The following RCAN2 variants were observed in gnomAD, a reference collection of about 807,000 sequenced individuals.
The protein encoded by RCAN2 is calcipressin-2.
RCAN2 carries 9 observed loss-of-function variants against 23.6 expected under a neutral mutation model. The observed-to-expected ratio is 0.38, with a 90% CI of 0.23 to 0.67. The LOEUF is 0.67. RCAN2 is among the 30% of genes least tolerant of loss of function. The pLI is 0.51. For synonymous variants in RCAN2, 109 were observed against 115.7 expected (o/e 0.94, Z 0.37); for missense variants, 273 against 302.3 (o/e 0.90, Z 0.72).
intron 2 of RCAN2, among the ~76,000 whole-genome samples, chr6:46,337,031 T>C (rs182342252): frequency 6.6e-6 from 1 of 151,618 alleles, no homozygotes; most frequent in African/African-American, 2.4e-5. Flanking sequence ...ATGGTAACTG[T>C]AACTGAAATA....
intron 2 of RCAN2, among the ~76,000 whole-genome samples, chr6:46,382,471 A>G (rs1368939707): frequency 6.6e-6 from 1 of 152,210 alleles, no homozygotes; most frequent in Non-Finnish European, 1.5e-5. Flanking sequence ...CACAATTCCC[A>G]GGAAAATGAA....
At chr6:46,278,539 G>T (rs190838850) in intron 2 of RCAN2, among the ~76,000 whole-genome samples, 1 of 152,144 alleles carries the variant, frequency 6.6e-6, no homozygotes, top group Non-Finnish European at 1.5e-5. Flanking sequence ...TATCAAACCA[G>T]GAAGTTAACA....
intron 4 of RCAN2, among the ~76,000 whole-genome samples, chr6:46,232,331 G>A (rs747572424): frequency 2.6e-5 from 4 of 152,106 alleles, no homozygotes; most frequent in Non-Finnish European, 5.9e-5. Flanking sequence ...CCATGTCCCC[G>A]GGTAAACAGA....
chr6:46,407,450 C>T (rs1407923837), intron 2 of RCAN2, among the ~76,000 whole-genome samples: 1 of 152,148 alleles, frequency 6.6e-6, no homozygotes, highest in African/African-American at 2.4e-5. Flanking sequence ...ACGCAAGTCC[C>T]CATGGAAAAT....
chr6:46,340,828 C>A (rs1764297636), intron 2 of RCAN2, among the ~76,000 whole-genome samples: 1 of 152,058 alleles, frequency 6.6e-6, no homozygotes, highest in African/African-American at 2.4e-5. Context: ...GAATCAAAAG[C>A]CAAATGGGGA....
intron 2 of RCAN2, among the ~76,000 whole-genome samples, chr6:46,387,859 T>C (rs1455586654): frequency 2.0e-5 from 3 of 152,130 alleles, no homozygotes; most frequent in African/African-American, 7.2e-5. Context: ...AACCCAAATG[T>C]CCATCAATGA....
At chr6:46,282,960 T>C (rs1232163495) in intron 2 of RCAN2, among the ~76,000 whole-genome samples, 1 of 152,146 alleles carries the variant, frequency 6.6e-6, no homozygotes, top group Non-Finnish European at 1.5e-5. Context: ...AAGTAAGAAA[T>C]CTTAAGCCCA....
chr6:46,344,631 G>C (rs1035459179), intron 2 of RCAN2, among the ~76,000 whole-genome samples: 7 of 151,946 alleles, frequency 4.6e-5, no homozygotes, highest in African/African-American at 1.4e-4. Context: ...TGTAATATTA[G>C]TTTAAGGCAT....
rs147409525 is a variant in RCAN2, at chr6:46,383,447, A to G, written c.225+73305T>C. 5.9e-3 allele frequency among the ~76,000 whole-genome samples: 904 copies of G among 152,202 alleles called. 5 individuals are homozygous for G. Among genetic ancestry groups the G allele is most frequent in the South Asian group, 0.018 (86 of 4,832 alleles). ...TAGTTCTTGTGATACCACTTTTCAAATCTTTCTTGTTGGGCAAGAAAGATA... is the reference window on the plus strand; with the variant it reads ...TAGTTCTTGTGATACCACTTTTCAAGTCTTTCTTGTTGGGCAAGAAAGATA... On this transcript the variant is annotated intron_variant, in intron 2 of 4. Coordinates refer to ENST00000371374, the MANE Select transcript of RCAN2 (RefSeq NM_001251974.2).
Position 46,449,515 on chromosome 6 carries a change from A to G in RCAN2, c.225+7237T>C, listed in dbSNP as rs114268059. Among the ~76,000 whole-genome samples the G allele has an allele frequency of 9.2e-3, 1,395 of 151,708 alleles. 18 individuals are homozygous for G. Among genetic ancestry groups the G allele is most frequent in the African/African-American group, 0.032 (1,325 of 41,494 alleles). ...AGAAAAAAAAAATCCTGAAATTTATATGGAACCACAAAGGACTCTGAATAG... is the reference window on the plus strand; with the variant it reads ...AGAAAAAAAAAATCCTGAAATTTATGTGGAACCACAAAGGACTCTGAATAG... On this transcript the variant is annotated intron_variant, in intron 2 of 4. Transcript: ENST00000371374.
At chr6:46,251,931 A>G (rs186732886) in intron 2 of RCAN2, among the ~76,000 whole-genome samples, 80 of 152,248 alleles carry the variant, frequency 5.3e-4, no homozygotes, top group African/African-American at 1.9e-3. Context: ...GGTGTAGTCC[A>G]GAGCTCAGGC....
intron 1 of RCAN2, among the ~76,000 whole-genome samples, chr6:46,461,528 A>G (rs1464760814): frequency 1.3e-5 from 2 of 152,022 alleles, no homozygotes; most frequent in Non-Finnish European, 2.9e-5. Context: ...GAATACCTTC[A>G]TGCCAGTCTC....
chr6:46,435,382 A>C (rs907742346), intron 2 of RCAN2, among the ~76,000 whole-genome samples: 2 of 152,218 alleles, frequency 1.3e-5, no homozygotes, highest in African/African-American at 4.8e-5. Flanking sequence ...TTTCTTCAGA[A>C]AGAAATGTGC....
chr6:46,277,070 T>C (rs1672226141), intron 2 of RCAN2, among the ~76,000 whole-genome samples: 1 of 152,254 alleles, frequency 6.6e-6, no homozygotes, highest in South Asian at 2.1e-4. Flanking sequence ...TAAAACATTG[T>C]TTTGTTCTAT....
chr6:46,236,379 T>C (rs1766097373), intron 4 of RCAN2, among the ~76,000 whole-genome samples: 1 of 152,260 alleles, frequency 6.6e-6, no homozygotes, highest in East Asian at 1.9e-4. Context: ...ACCTTTTCTA[T>C]ACCTCTATTT....
intron 2 of RCAN2, among the ~76,000 whole-genome samples, chr6:46,288,026 G>A (rs1650386697): frequency 6.6e-6 from 1 of 152,172 alleles, no homozygotes; most frequent in Admixed American, 6.5e-5. Flanking sequence ...TGCAGGGAGG[G>A]GAGAGGGTTT....
At chr6:46,433,610 G>A (rs984554873) in intron 2 of RCAN2, among the ~76,000 whole-genome samples, 13 of 152,050 alleles carry the variant, frequency 8.5e-5, no homozygotes, top group African/African-American at 3.1e-4. Context: ...TGGAGGAAGG[G>A]GCTACAAGTC....
intron 2 of RCAN2, among the ~76,000 whole-genome samples, chr6:46,420,268 T>C (rs1314576118): frequency 6.6e-6 from 1 of 151,882 alleles, no homozygotes; most frequent in Non-Finnish European, 1.5e-5. Flanking sequence ...TTAAATTGAG[T>C]CTGATTTTAA....
chr6:46,293,542 TAAG>T, intron 2 of RCAN2, among the ~76,000 whole-genome samples: 1 of 152,176 alleles, frequency 6.6e-6, no homozygotes, highest in East Asian at 1.9e-4. Context: ...AATATTCAAA[TAAG>T]AAATTCAAAT....
Sources: gnomAD v4.1 joint callset for allele counts (sites outside exome capture counted in the v4.1 genomes callset) on GRCh38, gnomAD v4.1.1 for gene constraint, MANE v1.5 for transcripts, NCBI Gene and HGNC (gene_info 2026-07-23, HGNC 2026-07-21) for gene names.